SLC35D4: variants seen among roughly 807,000 people sequenced by gnomAD.
SLC35D4 encodes UDP-N-acetylglucosamine transporter SLC35D4.
At chr18:23,342,506 G>T in the SLC35D4 span, among the ~76,000 whole-genome samples, 1 of 151,684 alleles carries the variant, frequency 6.6e-6, no homozygotes, top group Non-Finnish European at 1.5e-5. Flanking sequence ...TTCCAGTTTG[G>T]GTTTCTTATG....
At chr18:23,394,790 G>A in the SLC35D4 span, among the ~76,000 whole-genome samples, 2 of 151,798 alleles carry the variant, frequency 1.3e-5, no homozygotes, top group Non-Finnish European at 2.9e-5. Context: ...TGACCAACAT[G>A]GAGAAATTTC....
the SLC35D4 span, chr18:23,253,087 C>T: frequency 7.1e-7 from 1 of 1,410,976 alleles, no homozygotes; most frequent in Non-Finnish European, 1.0e-6. Flanking sequence ...CTGGACTTGC[C>T]TGTGACCTTT....
the SLC35D4 span, among the ~76,000 whole-genome samples, chr18:23,381,978 G>T: frequency 6.6e-6 from 1 of 152,146 alleles, no homozygotes; most frequent in African/African-American, 2.4e-5. Flanking sequence ...AGTGGCTCAT[G>T]CCTGTAATCC....
At chr18:23,277,417 T>C in the SLC35D4 span, among the ~76,000 whole-genome samples, 2 of 152,220 alleles carry the variant, frequency 1.3e-5, no homozygotes, top group Non-Finnish European at 2.9e-5. Context: ...TCTCCAGCCA[T>C]GTGGAACTGT....
the SLC35D4 span, among the ~76,000 whole-genome samples, chr18:23,346,451 T>C: frequency 1.3e-5 from 2 of 152,126 alleles, no homozygotes; most frequent in Non-Finnish European, 2.9e-5. Context: ...CTTGGGATTT[T>C]CTATATATAT....
the SLC35D4 span, among the ~76,000 whole-genome samples, chr18:23,421,674 C>CTTT: frequency 1.4e-4 from 19 of 136,410 alleles, no homozygotes; most frequent in Non-Finnish European, 2.1e-4. Context: ...TTCTTCTCCT[C>CTTT]TTTTTTTTTT....
the SLC35D4 span, among the ~76,000 whole-genome samples, chr18:23,318,364 G>T: frequency 6.6e-6 from 1 of 152,134 alleles, no homozygotes; most frequent in East Asian, 1.9e-4. Context: ...TTGTTTGTGG[G>T]TTGTCTTTTC....
At chr18:23,269,763 G>T in the SLC35D4 span, among the ~76,000 whole-genome samples, 3 of 152,206 alleles carry the variant, frequency 2.0e-5, no homozygotes, top group Non-Finnish European at 4.4e-5. Context: ...CTGGAATAAA[G>T]GTCACTCTTG....
chr18:23,353,200 T>C, the SLC35D4 span, among the ~76,000 whole-genome samples: 5 of 151,852 alleles, frequency 3.3e-5, no homozygotes, highest in African/African-American at 4.8e-5. Flanking sequence ...TTATTTGAAC[T>C]TGAAAATTGC....
At chr18:23,279,985 G>T in the SLC35D4 span, among the ~76,000 whole-genome samples, 1 of 152,208 alleles carries the variant, frequency 6.6e-6, no homozygotes, top group Non-Finnish European at 1.5e-5. Flanking sequence ...GATTACAGGT[G>T]TGAGTCACTG....
At chr18:23,348,450 T>C in the SLC35D4 span, among the ~76,000 whole-genome samples, 1 of 152,236 alleles carries the variant, frequency 6.6e-6, no homozygotes, top group Admixed American at 6.5e-5. Flanking sequence ...AATCTCCAAT[T>C]AGTATTGTTA....
chr18:23,307,782 G>A, the SLC35D4 span, among the ~76,000 whole-genome samples: 1 of 152,186 alleles, frequency 6.6e-6, no homozygotes, highest in Non-Finnish European at 1.5e-5. Context: ...CAGGAGGTGT[G>A]TCCTGAAGCT....
chr18:23,321,458 G>C, the SLC35D4 span, among the ~76,000 whole-genome samples: 2 of 151,972 alleles, frequency 1.3e-5, no homozygotes, highest in African/African-American at 2.4e-5. Context: ...CACAAAGTGG[G>C]GAGTCTTTTT....
the SLC35D4 span, among the ~76,000 whole-genome samples, chr18:23,418,835 G>A: frequency 2.6e-5 from 4 of 151,532 alleles, no homozygotes; most frequent in Admixed American, 6.6e-5. Flanking sequence ...GTTAAACCCC[G>A]TCTCTACTAA....
chr18:23,391,782 T>C, the SLC35D4 span, among the ~76,000 whole-genome samples: 3 of 152,040 alleles, frequency 2.0e-5, no homozygotes, highest in African/African-American at 7.2e-5. Flanking sequence ...CCACCATGTC[T>C]AGACTTTCAT....
chr18:23,241,613 T>C, the SLC35D4 span, among the ~76,000 whole-genome samples: 2 of 152,248 alleles, frequency 1.3e-5, no homozygotes, highest in African/African-American at 4.8e-5. Context: ...TATTTGTTCA[T>C]GCGGCTGCCA....
the SLC35D4 span, among the ~76,000 whole-genome samples, chr18:23,340,632 T>G: frequency 6.6e-6 from 1 of 152,222 alleles, no homozygotes; most frequent in Non-Finnish European, 1.5e-5. Context: ...GAAAAGTTAT[T>G]TTCCCAGGGC....
At chr18:23,432,526 C>G in the SLC35D4 span, among the ~76,000 whole-genome samples, 1 of 151,750 alleles carries the variant, frequency 6.6e-6, no homozygotes, top group Non-Finnish European at 1.5e-5. Context: ...ACTAAAAATA[C>G]AAAAATTAGC....
the SLC35D4 span, among the ~76,000 whole-genome samples, chr18:23,432,354 T>G: frequency 6.6e-6 from 1 of 152,138 alleles, no homozygotes; most frequent in Non-Finnish European, 1.5e-5. Flanking sequence ...GCTATTCTAT[T>G]GAACAGCAAA....
Sources: gnomAD v4.1 joint callset for allele counts (sites outside exome capture counted in the v4.1 genomes callset) on GRCh38, gnomAD v4.1.1 for gene constraint, MANE v1.5 for transcripts, NCBI Gene and HGNC (gene_info 2026-07-23, HGNC 2026-07-21) for gene names.